UGT2A2: variants seen among roughly 807,000 people sequenced by gnomAD.
The protein encoded by UGT2A2 is UDP glucuronosyltransferase family 2 member A2.
In UGT2A2, 60 loss-of-function variants were observed where a neutral mutation model predicts 50.7. The ratio of observed to expected loss-of-function variants is 1.18; its 90% confidence interval spans 0.96 to 1.47. The LOEUF (loss-of-function observed/expected upper bound fraction) is 1.47, where lower values mean the gene tolerates loss of function less well. Among genes scored for constraint, UGT2A2 ranks in the 40% most tolerant of loss-of-function variants. The pLI is 0.00. For synonymous variants in UGT2A2, 242 were observed against 214.6 expected (o/e 1.13, Z -1.11); for missense variants, 762 against 634.0 (o/e 1.20, Z -2.17).
In UGT2A2 at chr4:69,602,639, G is replaced by C. The variant is rs1298066578; in HGVS notation, c.743-3245C>G. Among the ~76,000 whole-genome samples, 4 of 137,196 alleles carry C rather than the reference G, an allele frequency of 2.9e-5. 1 individual carries two copies. Among genetic ancestry groups the C allele is most frequent in the Admixed American group, 2.9e-4 (4 of 13,966 alleles). 90.0% of individuals were successfully genotyped at this position (137,196 alleles called of 152,430 possible). On this transcript the variant is annotated intron_variant, in intron 1 of 5. Coordinates refer to ENST00000604629, the MANE Select transcript of UGT2A2 (RefSeq NM_001105677.2). ...AAATTTCTGTGCACAAGTAAACGAA[G>C]ATTTAATTTAAAAACTAAATTTCCA...
intron 4 of UGT2A2, 41 bp downstream of exon 4, chr4:69,595,121 T>A (rs2109881279): frequency 1.2e-6 from 2 of 1,609,672 alleles, no homozygotes; most frequent in Middle Eastern, 1.7e-4. Context: ...TTAACTTGTC[T>A]ATTGTCCCAC....
chr4:69,593,555 T>C (rs1718709849), intron 5 of UGT2A2, among the ~76,000 whole-genome samples: 1 of 149,404 alleles, frequency 6.7e-6, no homozygotes, highest in South Asian at 2.1e-4. Flanking sequence ...GCTATATATA[T>C]AGACTTATAT....
chr4:69,591,956 A>T lies in UGT2A2; in HGVS notation c.1332-2305T>A, dbSNP rs1035575482. ...ATGAATTATGATTTCTAAAATTATG[A>T]CTTATACAACATGTACGTATTAATA... On this transcript the variant is annotated intron_variant, in intron 5 of 5. Transcript: ENST00000604629. Among the ~76,000 whole-genome samples, 3 of 152,214 alleles carry T rather than the reference A, an allele frequency of 2.0e-5. No individual in the cohort carries two copies. In the East Asian group the frequency reaches 5.8e-4, roughly 29 times the overall value.
rs1252655509 is a variant in UGT2A2, at chr4:69,605,357, T to G, written c.743-5963A>C. On this transcript the variant is annotated intron_variant, in intron 1 of 5. Transcript: ENST00000604629. ...AACGAAATGAAGGCAGAAATAAAGA[T>G]GTTCTTTGAAACTAACGACAACAAA... is the stretch of plus-strand genomic sequence containing the variant. Among the ~76,000 whole-genome samples, 2 of 136,974 alleles carry G rather than the reference T, an allele frequency of 1.5e-5. 1 individual carries two copies. Among genetic ancestry groups the G allele is most frequent in the Non-Finnish European group, 3.1e-5 (2 of 64,422 alleles). The allele number at this position is 136,974 out of a possible 152,430, so 89.9% of individuals were successfully genotyped here. A position where few individuals can be genotyped will look rare whatever the true frequency, so the allele number is the denominator to read the frequency against.
chr4:69,618,205 G>GTGTGTATGTT (rs1553905688), intron 1 of UGT2A2, among the ~76,000 whole-genome samples: 175 of 87,960 alleles, frequency 2.0e-3, no homozygotes, highest in African/African-American at 5.7e-3. Flanking sequence ...GTGTGTGTGT[G>GTGTGTATGTT]TGTGTGTGTG....
chr4:69,615,268 A>G (rs1720310767), intron 1 of UGT2A2, among the ~76,000 whole-genome samples: 1 of 152,074 alleles, frequency 6.6e-6, no homozygotes, highest in African/African-American at 2.4e-5. Flanking sequence ...TCACTGATTT[A>G]AAACCCGAAA....
At position 69,589,544 on chromosome 4, in the gene UGT2A2, G is replaced by A; in HGVS notation, c.1439C>T (p.Ala480Val). 1 of 1,614,006 alleles carries A rather than the reference G, an allele frequency of 6.2e-7. No homozygotes were observed. Among genetic ancestry groups the A allele is most frequent in the Non-Finnish European group, 8.5e-7 (1 of 1,179,966 alleles). Reference protein sequence around the residue: ...WIEFVMRHKGAKHLRVAAHDL... With the variant: ...WIEFVMRHKGVKHLRVAAHDL... ...ATGGGCTGCAACCCGAAGGTGCTTG[G>A]CTCCTTTGTGGCGCATGACAAACTC... The change falls in exon 6 of 6, where the codon GCC becomes GTC. Residue 480 changes from alanine (A) to valine (V), a missense_variant. Coordinates refer to ENST00000604629, the MANE Select transcript of UGT2A2 (RefSeq NM_001105677.2).
At chr4:69,615,565 CT>C (rs1302256263) in intron 1 of UGT2A2, among the ~76,000 whole-genome samples, 2 of 151,864 alleles carry the variant, frequency 1.3e-5, no homozygotes, top group African/African-American at 4.8e-5. Context: ...GATAAAAGAT[CT>C]GAATAGACGT....
chr4:69,631,916 G>A (rs553341633), intron 1 of UGT2A2, among the ~76,000 whole-genome samples: 1 of 152,192 alleles, frequency 6.6e-6, no homozygotes, highest in South Asian at 2.1e-4. Flanking sequence ...GTCAAGAAAA[G>A]ACAGAAAATA....
chr4:69,600,829 G>C (rs867310001), intron 1 of UGT2A2, among the ~76,000 whole-genome samples: 1 of 151,284 alleles, frequency 6.6e-6, no homozygotes, highest in Non-Finnish European at 1.5e-5. Context: ...AACAGATCTC[G>C]TGATAACTCA....
intron 1 of UGT2A2, among the ~76,000 whole-genome samples, chr4:69,610,494 G>A (rs887950194): frequency 2.0e-5 from 3 of 151,976 alleles, no homozygotes; most frequent in African/African-American, 4.8e-5. Context: ...TTAATATTAT[G>A]CACCCTTTAA....
chr4:69,594,766 G>T, intron 4 of UGT2A2, 70 bp from the exon 5 acceptor site: 1 of 1,511,936 alleles, frequency 6.6e-7, no homozygotes, highest in Non-Finnish European at 8.9e-7. Flanking sequence ...GAGACAGAAG[G>T]GGTCAAAAAG....
intron 1 of UGT2A2, among the ~76,000 whole-genome samples, chr4:69,617,324 G>A (rs4148292): frequency 0.35 from 53,398 of 151,590 alleles, 9,741 homozygotes; most frequent in African/African-American, 0.43. Flanking sequence ...AATAAGTATG[G>A]TGAGTCCAAA....
At position 69,627,095 on chromosome 4, in the gene UGT2A2, T is replaced by C. The variant is rs114280839; in HGVS notation, c.742+11804A>G. The stretch of plus-strand genomic sequence containing the variant: ...TTACTGGAGTTTCATGTGTTTTCAA[T>C]GGACAAAGAGAGAAAATATATTTGC... On this transcript the variant is annotated intron_variant, in intron 1 of 5. Coordinates refer to ENST00000604629, the MANE Select transcript of UGT2A2 (RefSeq NM_001105677.2). Among the ~76,000 whole-genome samples the C allele has an allele frequency of 6.5e-3, 995 of 152,002 alleles. 12 individuals are homozygous for C. The highest frequency in any genetic ancestry group is 0.023 in the African/African-American group (947 of 41,530).
At chr4:69,624,590 G>C (rs939900553) in intron 1 of UGT2A2, among the ~76,000 whole-genome samples, 7 of 150,612 alleles carry the variant, frequency 4.6e-5, no homozygotes, top group African/African-American at 1.5e-4. Context: ...TATGATCCTA[G>C]TTGATTTTTT....
chr4:69,638,203 G>A (rs1289392108), intron 1 of UGT2A2, among the ~76,000 whole-genome samples: 4 of 152,172 alleles, frequency 2.6e-5, no homozygotes, highest in Non-Finnish European at 5.9e-5. Context: ...GAGATCTGGA[G>A]GCAAAATCAT....
rs545584879 is a variant in UGT2A2, at chr4:69,599,293, C to T, written c.844G>A (p.Glu282Lys). 6.2e-7 allele frequency: 1 copy of T among 1,613,772 alleles called. No homozygotes were observed. Among genetic ancestry groups the T allele is most frequent in the Non-Finnish European group, 8.5e-7 (1 of 1,179,898 alleles). Residue 282 changes from glutamate to lysine, a missense_variant, in exon 2 of 6, where the codon GAG becomes AAG. Coordinates refer to ENST00000604629, the MANE Select transcript of UGT2A2 (RefSeq NM_001105677.2). Reference protein sequence around the residue: ...EFPRPYLPNFEFVGGLHCKPA... With the variant: ...EFPRPYLPNFKFVGGLHCKPA... The stretch of plus-strand genomic sequence containing the variant: ...TTGCAGTGCAATCCTCCAACAAACT[C>T]AAAATTAGGTAAGTATGGACGAGGA...
rs140996122 is a variant in UGT2A2, at chr4:69,613,090, A to G, written c.743-13696T>C. Among the ~76,000 whole-genome samples the G allele has an allele frequency of 4.0e-3, 614 of 152,038 alleles. 8 individuals are homozygous for G. Among genetic ancestry groups the G allele is most frequent in the African/African-American group, 0.012 (506 of 41,546 alleles). ...GGCAAAAGACATGAATAGACACTTC[A>G]CAAAAGAAGACATACAATCAACCTG... On this transcript the variant is annotated intron_variant, in intron 1 of 5. Coordinates refer to ENST00000604629, the MANE Select transcript of UGT2A2 (RefSeq NM_001105677.2).
intron 1 of UGT2A2, among the ~76,000 whole-genome samples, chr4:69,622,870 A>C (rs780163401): frequency 3.4e-4 from 51 of 151,792 alleles, no homozygotes; most frequent in Non-Finnish European, 5.9e-4. Flanking sequence ...TTTCCTGACA[A>C]AAATTGCTAA....
Sources: gnomAD v4.1 joint callset for allele counts (sites outside exome capture counted in the v4.1 genomes callset) on GRCh38, gnomAD v4.1.1 for gene constraint, MANE v1.5 for transcripts, NCBI Gene and HGNC (gene_info 2026-07-23, HGNC 2026-07-21) for gene names.